The following ADGRB3 variants were observed in gnomAD, a reference collection of about 807,000 sequenced individuals.
ADGRB3 encodes the protein brain-specific angiogenesis inhibitor 3.
Under a neutral mutation model 193.4 loss-of-function variants are expected in ADGRB3, and 37 were observed. The ratio of observed to expected loss-of-function variants is 0.19; its 90% confidence interval spans 0.15 to 0.25. ADGRB3 has a LOEUF of 0.25. Ranked by LOEUF, ADGRB3 falls within the 10% of genes least tolerant of loss-of-function variation. The probability of loss-of-function intolerance (pLI) is 1.00; values close to 1 mark genes in which losing one functional copy is unlikely to be tolerated. For synonymous variants in ADGRB3, 690 were observed against 644.2 expected (o/e 1.07, Z -1.08); for missense variants, 1,637 against 1,852.9 (o/e 0.88, Z 2.14).
At chr6:69,223,253 A>G (rs1338052192) in intron 17 of ADGRB3, among the ~76,000 whole-genome samples, 1 of 152,206 alleles carries the variant, frequency 6.6e-6, no homozygotes, top group Non-Finnish European at 1.5e-5. Context: ...ATTTTGAAGT[A>G]TGATTAACTC....
At chr6:68,844,426 A>G (rs1387920858) in intron 3 of ADGRB3, among the ~76,000 whole-genome samples, 1 of 152,174 alleles carries the variant, frequency 6.6e-6, no homozygotes, top group Non-Finnish European at 1.5e-5. Flanking sequence ...AGAAATGTGA[A>G]TGAAAGCTGC....
intron 20 of ADGRB3, among the ~76,000 whole-genome samples, chr6:69,305,899 C>G (rs1768058259): frequency 6.6e-6 from 1 of 151,336 alleles, no homozygotes; most frequent in Non-Finnish European, 1.5e-5. Context: ...CTGCAATGTT[C>G]CAAAAACCAA....
intron 30 of ADGRB3, among the ~76,000 whole-genome samples, chr6:69,372,701 T>C (rs1769731771): frequency 6.6e-6 from 1 of 152,054 alleles, no homozygotes; most frequent in Non-Finnish European, 1.5e-5. Flanking sequence ...AAGTGAACAA[T>C]TTATGTTAGG....
At chr6:68,750,908 T>C (rs918067110) in intron 3 of ADGRB3, among the ~76,000 whole-genome samples, 5 of 152,200 alleles carry the variant, frequency 3.3e-5, no homozygotes, top group African/African-American at 1.2e-4. Context: ...TTAGGTTTAT[T>C]TGTTCCTATG....
intron 3 of ADGRB3, among the ~76,000 whole-genome samples, chr6:68,720,531 A>G (rs1765558006): frequency 6.6e-6 from 1 of 151,798 alleles, no homozygotes. Flanking sequence ...CAAAGATACA[A>G]GTGAGATTAA....
chr6:69,325,258 A>G (rs1360640510), intron 21 of ADGRB3, among the ~76,000 whole-genome samples: 2 of 152,104 alleles, frequency 1.3e-5, no homozygotes, highest in African/African-American at 4.8e-5. Context: ...TCTAGATAGT[A>G]TGAAATGAGA....
intron 20 of ADGRB3, among the ~76,000 whole-genome samples, chr6:69,311,334 T>C (rs1768187373): frequency 6.6e-6 from 1 of 151,688 alleles, no homozygotes; most frequent in South Asian, 2.1e-4. Context: ...AAACCAGTAT[T>C]TCTGTATCGT....
chr6:69,192,429 G>A (rs1015018685), intron 17 of ADGRB3, among the ~76,000 whole-genome samples: 11 of 152,028 alleles, frequency 7.2e-5, no homozygotes, highest in Non-Finnish European at 1.6e-4. Context: ...GATTGAGGGT[G>A]GGTCTGCCTC....
At chr6:69,256,204 A>G (rs1352251099) in intron 20 of ADGRB3, among the ~76,000 whole-genome samples, 1 of 151,290 alleles carries the variant, frequency 6.6e-6, no homozygotes, top group Non-Finnish European at 1.5e-5. Flanking sequence ...TTGGTTCCAT[A>G]TGAACTTTAA....
At chr6:68,993,985 G>A (rs1297891092) in intron 11 of ADGRB3, 23 bp downstream of exon 11, 2 of 1,608,348 alleles carry the variant, frequency 1.2e-6, no homozygotes, top group South Asian at 1.1e-5. Context: ...AGTTCGTGAA[G>A]GAAAGGGCTA....
At chr6:68,818,380 C>A (rs1767676570) in intron 3 of ADGRB3, among the ~76,000 whole-genome samples, 1 of 152,056 alleles carries the variant, frequency 6.6e-6, no homozygotes, top group Non-Finnish European at 1.5e-5. Flanking sequence ...CTATGCCTGG[C>A]ACACAGCAGA....
At chr6:69,094,635 A>G (rs937718720) in intron 17 of ADGRB3, among the ~76,000 whole-genome samples, 19 of 152,176 alleles carry the variant, frequency 1.2e-4, no homozygotes, top group African/African-American at 4.3e-4. Flanking sequence ...TATTCTACCA[A>G]ATGTGTTTAT....
At chr6:69,286,696 A>G (rs1767560853) in intron 20 of ADGRB3, among the ~76,000 whole-genome samples, 1 of 152,238 alleles carries the variant, frequency 6.6e-6, no homozygotes, top group Non-Finnish European at 1.5e-5. Context: ...GAATTAAAAA[A>G]TAATATGGTG....
At chr6:69,146,719 A>G (rs1774506821) in intron 17 of ADGRB3, among the ~76,000 whole-genome samples, 1 of 152,012 alleles carries the variant, frequency 6.6e-6, no homozygotes, top group Non-Finnish European at 1.5e-5. Flanking sequence ...AGCTGTGATC[A>G]TTAATTCTTT....
chr6:68,902,635 A>G (rs1360625438), intron 3 of ADGRB3, among the ~76,000 whole-genome samples: 5 of 152,234 alleles, frequency 3.3e-5, no homozygotes, highest in Non-Finnish European at 7.4e-5. Flanking sequence ...AGGCCATAAA[A>G]AAGCCAATAA....
intron 17 of ADGRB3, among the ~76,000 whole-genome samples, chr6:69,220,727 A>C (rs1379039529): frequency 1.3e-5 from 2 of 152,260 alleles, no homozygotes; most frequent in East Asian, 3.9e-4. Context: ...GCTGCCCTTC[A>C]AGAAATTTCA....
chr6:69,127,835 C>T (rs1259381050), intron 17 of ADGRB3, among the ~76,000 whole-genome samples: 1 of 151,924 alleles, frequency 6.6e-6, no homozygotes, highest in South Asian at 2.1e-4. Context: ...TGAATGTTCC[C>T]GTGACCTGGG....
At chr6:68,658,498 C>G (rs1244531187) in intron 3 of ADGRB3, among the ~76,000 whole-genome samples, 3 of 151,232 alleles carry the variant, frequency 2.0e-5, no homozygotes, top group East Asian at 3.9e-4. Context: ...AAAGGACTTT[C>G]TTCTTTAACC....
At chr6:69,179,604 C>A (rs897561288) in intron 17 of ADGRB3, among the ~76,000 whole-genome samples, 1 of 152,180 alleles carries the variant, frequency 6.6e-6, no homozygotes, top group African/African-American at 2.4e-5. Context: ...TCTAGAGATG[C>A]TGACACTTAG....
Sources: gnomAD v4.1 joint callset for allele counts (sites outside exome capture counted in the v4.1 genomes callset) on GRCh38, gnomAD v4.1.1 for gene constraint, MANE v1.5 for transcripts, NCBI Gene and HGNC (gene_info 2026-07-23, HGNC 2026-07-21) for gene names.